Variants in SLC2A9 observed in about 807,000 individuals in gnomAD.
The protein encoded by SLC2A9 is solute carrier family 2, facilitated glucose transporter member 9.
Under a neutral mutation model 50.6 loss-of-function variants are expected in SLC2A9, and 39 were observed. That is an observed-to-expected ratio of 0.77 (90% CI 0.60 to 1.01). The LOEUF (loss-of-function observed/expected upper bound fraction) is 1.01, where lower values mean the gene tolerates loss of function less well. SLC2A9 is among the 50% of genes least tolerant of loss of function. The probability of loss-of-function intolerance (pLI) is 0.00; values close to 1 mark genes in which losing one functional copy is unlikely to be tolerated. For missense variants in SLC2A9, 686 were observed against 677.6 expected, an observed-to-expected ratio of 1.01 and a Z score of -0.14; for synonymous variants, 324 against 276.9, an observed-to-expected ratio of 1.17 and a Z score of -1.69.
chr4:10,000,195 T>C (rs1759525694), intron 2 of SLC2A9, among the ~76,000 whole-genome samples: 1 of 152,210 alleles, frequency 6.6e-6, no homozygotes, highest in Non-Finnish European at 1.5e-5. Flanking sequence ...TTTCTATCGA[T>C]GATGAAGTTT....
At chr4:9,800,928 A>G (rs149591510) in intron 3 of SLC2A9, among the ~76,000 whole-genome samples, 3 of 152,246 alleles carry the variant, frequency 2.0e-5, no homozygotes, top group Middle Eastern at 3.4e-3. Context: ...CAGCCATCCT[A>G]GTACACTCAT....
chr4:9,867,977 G>A (rs1367257357), intron 10 of SLC2A9, among the ~76,000 whole-genome samples: 1 of 152,124 alleles, frequency 6.6e-6, no homozygotes, highest in Non-Finnish European at 1.5e-5. Flanking sequence ...ACAGGCCTCT[G>A]AGAACGTGCC....
intron 10 of SLC2A9, among the ~76,000 whole-genome samples, chr4:9,867,442 T>C (rs376477197): frequency 2.1e-4 from 32 of 152,234 alleles, no homozygotes; most frequent in East Asian, 1.3e-3. Context: ...GCAGGTAAAG[T>C]ACTTAATTCC....
chr4:9,859,191 T>C (rs1022342180), intron 10 of SLC2A9, among the ~76,000 whole-genome samples: 3 of 152,118 alleles, frequency 2.0e-5, no homozygotes, highest in Admixed American at 6.6e-5. Context: ...TCAATTCTCC[T>C]TAATAAACTT....
At chr4:10,000,512 G>A (rs1236337914) in intron 2 of SLC2A9, among the ~76,000 whole-genome samples, 1 of 152,186 alleles carries the variant, frequency 6.6e-6, no homozygotes, top group Non-Finnish European at 1.5e-5. Context: ...AAGAATCCAG[G>A]TGCCATCTGG....
At chr4:9,773,639 C>A (rs1717137319) in intron 1 of SLC2A9, among the ~76,000 whole-genome samples, 1 of 152,256 alleles carries the variant, frequency 6.6e-6, no homozygotes, top group Admixed American at 6.5e-5. Flanking sequence ...CTATCATCCC[C>A]TGAGATCAGG....
intron 8 of SLC2A9, among the ~76,000 whole-genome samples, chr4:9,891,652 C>A (rs1737457560): frequency 6.6e-6 from 1 of 152,162 alleles, no homozygotes; most frequent in Non-Finnish European, 1.5e-5. Flanking sequence ...GAGATAACAG[C>A]AGACATCACA....
At chr4:9,958,365 T>C (rs62294332) in intron 5 of SLC2A9, among the ~76,000 whole-genome samples, 73,466 of 151,966 alleles carry the variant, frequency 0.48, 19,112 homozygotes, top group African/African-American at 0.67. Flanking sequence ...ATCTGGAAAC[T>C]ATCATCCTCA....
At chr4:9,892,295 G>T (rs1473872527) in intron 8 of SLC2A9, among the ~76,000 whole-genome samples, 1 of 152,192 alleles carries the variant, frequency 6.6e-6, no homozygotes, top group South Asian at 2.1e-4. Context: ...GGGAACGGAG[G>T]GTGCTGGCCC....
At chr4:9,775,072 G>A (rs1484800927), downstream of SLC2A9, among the ~76,000 whole-genome samples, 1 of 152,134 alleles carries the variant, frequency 6.6e-6, no homozygotes, top group Non-Finnish European at 1.5e-5. Flanking sequence ...GGCACTTCTG[G>A]GGTCATGGGC....
rs1352525000 is a variant in SLC2A9 at position 9,884,399 on chromosome 4, T to C, written c.1291+3168A>G. 2.0e-5 allele frequency among the ~76,000 whole-genome samples: 3 copies of C among 152,110 alleles called. No homozygotes were observed. The East Asian group carries it at 5.8e-4, about 29-fold the overall frequency. On this transcript the variant is annotated intron_variant, in intron 10 of 11. Transcript: ENST00000264784. ...GAGCCTTCTGCCTCAGTCTCCTAAA[T>C]AGCTGAGATTACAGGTACATTCCAC...
upstream of SLC2A9, among the ~76,000 whole-genome samples, chr4:10,024,666 T>C (rs1456287111): frequency 2.0e-5 from 3 of 152,350 alleles, no homozygotes; most frequent in East Asian, 5.8e-4. Flanking sequence ...TAAGCCTCTT[T>C]GTATTCCTAG....
rs7689097 is a variant in SLC2A9 at position 9,945,426 on chromosome 4, A to T, written c.682-3381T>A. On this transcript the variant is annotated intron_variant, in intron 5 of 11. Coordinates refer to ENST00000264784, the MANE Select transcript of SLC2A9 (RefSeq NM_020041.3). ...GAAAGAGTGGCTTTTATTACTAAGC[A>T]CATTGGATAGTTCATCTCTTCTCAT... Among the ~76,000 whole-genome samples the T allele has an allele frequency of 3.9e-3, 599 of 152,152 alleles. 4 individuals carry two copies. The highest frequency in any genetic ancestry group is 0.014 in the African/African-American group (563 of 41,508).
At chr4:9,951,917 G>A (rs1429638328) in intron 5 of SLC2A9, among the ~76,000 whole-genome samples, 5 of 152,354 alleles carry the variant, frequency 3.3e-5, no homozygotes, top group Non-Finnish European at 4.4e-5. Flanking sequence ...TCAAAGCAGT[G>A]GGGTTAAGCT....
chr4:10,007,473 T>TC (rs1412596831), intron 2 of SLC2A9, among the ~76,000 whole-genome samples: 1 of 152,226 alleles, frequency 6.6e-6, no homozygotes, highest in African/African-American at 2.4e-5. Flanking sequence ...CTCCTGGGTT[T>TC]CCCCTCAGCC....
chr4:9,964,978 T>C (rs570956136), intron 5 of SLC2A9, among the ~76,000 whole-genome samples: 22 of 152,258 alleles, frequency 1.4e-4, no homozygotes, highest in South Asian at 2.1e-4. Context: ...ATCTGTAAAA[T>C]AGAAATTTCA....
At chr4:10,017,604 G>A (rs919238978) in intron 2 of SLC2A9, among the ~76,000 whole-genome samples, 2 of 152,200 alleles carry the variant, frequency 1.3e-5, no homozygotes, top group African/African-American at 4.8e-5. Flanking sequence ...AAAATTCCAG[G>A]GCTCATGGGA....
chr4:9,856,664 T>C (rs185852713), intron 10 of SLC2A9, among the ~76,000 whole-genome samples: 1 of 152,326 alleles, frequency 6.6e-6, no homozygotes, highest in East Asian at 1.9e-4. Flanking sequence ...GATGCATGTG[T>C]ATGTTCATTG....
chr4:9,811,407 T>C (rs1278743163), intron 3 of SLC2A9, among the ~76,000 whole-genome samples: 2 of 152,188 alleles, frequency 1.3e-5, no homozygotes, highest in Non-Finnish European at 2.9e-5. Flanking sequence ...GCCTTGCAGG[T>C]TCTATTCCTG....
Sources: allele counts gnomAD v4.1 joint callset (sites outside exome capture counted in the v4.1 genomes callset), GRCh38; gene constraint gnomAD v4.1.1; transcripts MANE v1.5; gene names NCBI Gene and HGNC (gene_info 2026-07-23, HGNC 2026-07-21).